The following CSMD1 variants were observed in gnomAD, a reference collection of about 807,000 sequenced individuals.
CSMD1 encodes the protein CUB and sushi domain-containing protein 1.
A neutral mutation model predicts 417.5 loss-of-function variants in CSMD1; 213 were observed. That is an observed-to-expected ratio of 0.51 (90% CI 0.46 to 0.57). CSMD1 has a LOEUF of 0.57. Ranked by LOEUF, CSMD1 falls within the 20% of genes least tolerant of loss-of-function variation. The probability of loss-of-function intolerance (pLI) is 0.00; values close to 1 mark genes in which losing one functional copy is unlikely to be tolerated. For synonymous variants in CSMD1, 2,862 were observed against 1,736.8 expected, an observed-to-expected ratio of 1.65 and a Z score of -16.11; for missense variants, 6,923 against 4,529.7, an observed-to-expected ratio of 1.53 and a Z score of -15.17.
At chr8:4,852,154 C>A (rs1048412837) in intron 1 of CSMD1, among the ~76,000 whole-genome samples, 1 of 152,172 alleles carries the variant, frequency 6.6e-6, no homozygotes, top group Admixed American at 6.5e-5. Context: ...TTTGTTTACT[C>A]TAATCTATTT....
intron 1 of CSMD1, among the ~76,000 whole-genome samples, chr8:4,825,424 G>C (rs529686743): frequency 6.6e-6 from 1 of 152,112 alleles, no homozygotes; most frequent in East Asian, 1.9e-4. Context: ...TCTAGGCACA[G>C]TGTAGACCAG....
intron 10 of CSMD1, among the ~76,000 whole-genome samples, chr8:3,562,398 G>GCA (rs1799506705): frequency 3.4e-5 from 5 of 145,124 alleles, no homozygotes; most frequent in African/African-American, 5.2e-5. Context: ...GTACACACAT[G>GCA]CATACACACA....
chr8:3,513,496 C>T (rs925064201), intron 10 of CSMD1, among the ~76,000 whole-genome samples: 1 of 151,920 alleles, frequency 6.6e-6, no homozygotes, highest in African/African-American at 2.4e-5. Context: ...ACCTTGTGAT[C>T]GTGTGAGTCA....
chr8:4,420,504 A>G (rs1797187553), intron 2 of CSMD1, among the ~76,000 whole-genome samples: 1 of 152,108 alleles, frequency 6.6e-6, no homozygotes, highest in Non-Finnish European at 1.5e-5. Flanking sequence ...AGCATGCATT[A>G]TCTATTTTTC....
intron 8 of CSMD1, among the ~76,000 whole-genome samples, chr8:3,594,555 T>C (rs1801004526): frequency 2.0e-5 from 3 of 152,206 alleles, no homozygotes; most frequent in Admixed American, 2.0e-4. Flanking sequence ...TTATTTCCAT[T>C]ACCATGGAGG....
intron 2 of CSMD1, among the ~76,000 whole-genome samples, chr8:4,441,780 G>A (rs1292775641): frequency 6.6e-6 from 1 of 151,874 alleles, no homozygotes; most frequent in Admixed American, 6.6e-5. Context: ...ACTAATCTTG[G>A]GTGTATCACA....
chr8:3,367,019 A>G lies in CSMD1; in HGVS notation c.3115+13T>C. 6.2e-7 allele frequency: 1 copy of G among 1,603,806 alleles called. No individual in the cohort carries two copies. On this transcript the variant is annotated intron_variant, in intron 20 of 69. Transcript: ENST00000635120. ...TTGCCAGAGGAGAGAAACAGCAAACAAGACCAACATACCTGAAAATGTGAT... is the reference window on the plus strand; with the variant it reads ...TTGCCAGAGGAGAGAAACAGCAAACGAGACCAACATACCTGAAAATGTGAT...
intron 3 of CSMD1, among the ~76,000 whole-genome samples, chr8:4,128,551 T>C (rs917638738): frequency 5.3e-5 from 8 of 152,204 alleles, no homozygotes; most frequent in African/African-American, 1.9e-4. Flanking sequence ...TTTTTACAGA[T>C]AACACATCTC....
At chr8:4,230,149 C>T (rs183325149) in intron 3 of CSMD1, among the ~76,000 whole-genome samples, 210 of 152,248 alleles carry the variant, frequency 1.4e-3, no homozygotes, top group Non-Finnish European at 1.9e-3. Flanking sequence ...TGACATATTG[C>T]AGTGCTGGGT....
chr8:3,491,992 G>C (rs1019305992), intron 11 of CSMD1, among the ~76,000 whole-genome samples: 10 of 152,192 alleles, frequency 6.6e-5, no homozygotes, highest in African/African-American at 2.4e-4. Context: ...TGGTTTACAA[G>C]CTCTTTGTTC....
At chr8:4,688,850 A>G (rs992018395) in intron 1 of CSMD1, among the ~76,000 whole-genome samples, 3 of 152,204 alleles carry the variant, frequency 2.0e-5, no homozygotes, top group Admixed American at 1.3e-4. Context: ...TGTTGTAGAC[A>G]GGGGAAATGA....
At chr8:4,143,869 C>G (rs1297985568) in intron 3 of CSMD1, among the ~76,000 whole-genome samples, 1 of 151,078 alleles carries the variant, frequency 6.6e-6, no homozygotes, top group Non-Finnish European at 1.5e-5. Context: ...TCAGTTACCC[C>G]TTATCTGGAT....
At chr8:3,149,722 G>A (rs982301539) in intron 40 of CSMD1, among the ~76,000 whole-genome samples, 6 of 152,046 alleles carry the variant, frequency 3.9e-5, no homozygotes, top group East Asian at 1.9e-4. Context: ...GCGATCCACC[G>A]GCCTTCGCCT....
At chr8:3,105,072 A>G (rs1356510492) in intron 46 of CSMD1, among the ~76,000 whole-genome samples, 1 of 152,254 alleles carries the variant, frequency 6.6e-6, no homozygotes, top group Admixed American at 6.5e-5. Context: ...TGCGAAGTCG[A>G]TACTTTTGCA....
At chr8:4,799,774 A>G (rs1242152501) in intron 1 of CSMD1, among the ~76,000 whole-genome samples, 1 of 152,092 alleles carries the variant, frequency 6.6e-6, no homozygotes, top group Non-Finnish European at 1.5e-5. Flanking sequence ...TTTTACGTAT[A>G]GGAATGTCTC....
intron 1 of CSMD1, among the ~76,000 whole-genome samples, chr8:4,971,754 A>G (rs1365088402): frequency 1.3e-5 from 2 of 151,730 alleles, no homozygotes; most frequent in Admixed American, 6.6e-5. Flanking sequence ...ACCAACTTTT[A>G]TGTCCTAATT....
At chr8:3,139,030 G>T (rs1364973224) in intron 41 of CSMD1, among the ~76,000 whole-genome samples, 1 of 152,178 alleles carries the variant, frequency 6.6e-6, no homozygotes, top group Non-Finnish European at 1.5e-5. Flanking sequence ...GGCAGCCGCA[G>T]ATTCCAGGAA....
chr8:3,369,399 G>C (rs751995912), intron 18 of CSMD1, 29 bp from the exon 19 acceptor site: 46 of 1,018,640 alleles, frequency 4.5e-5, no homozygotes, highest in Admixed American at 1.2e-4. Context: ...GATGATTACA[G>C]CACTAAAGTT....
At chr8:3,913,087 A>G (rs2129140215) in intron 5 of CSMD1, among the ~76,000 whole-genome samples, 1 of 152,194 alleles carries the variant, frequency 6.6e-6, no homozygotes, top group Middle Eastern at 3.4e-3. Flanking sequence ...GAGCTTTTGG[A>G]TGGTGTGTGT....
Sources: allele counts gnomAD v4.1 joint callset (sites outside exome capture counted in the v4.1 genomes callset), GRCh38; gene constraint gnomAD v4.1.1; transcripts MANE v1.5; gene names NCBI Gene and HGNC (gene_info 2026-07-23, HGNC 2026-07-21).